DNAH14: variants seen among roughly 807,000 people sequenced by gnomAD.
DNAH14 encodes the protein dynein axonemal heavy chain 14.
In DNAH14, 478 loss-of-function variants were observed where a neutral mutation model predicts 520.9. That is an observed-to-expected ratio of 0.92 (90% CI 0.85 to 0.99). DNAH14 has a LOEUF of 0.99. Among genes scored for constraint, DNAH14 ranks in the 50% least tolerant of loss-of-function variants. The pLI, the probability that DNAH14 is intolerant of heterozygous loss-of-function variation, is 0.00. For synonymous variants in DNAH14, 1,581 were observed against 1,757.2 expected, an observed-to-expected ratio of 0.90 and a Z score of 2.51; for missense variants, 4,831 against 5,234.5, an observed-to-expected ratio of 0.92 and a Z score of 2.38.
chr1:224,943,326 G>A (rs1390359319), intron 1 of DNAH14, among the ~76,000 whole-genome samples: 1 of 152,012 alleles, frequency 6.6e-6, no homozygotes, highest in Non-Finnish European at 1.5e-5. Context: ...TATTTCTGTG[G>A]GATCGGTGGT....
rs2095103813 is a variant in DNAH14, at chr1:225,338,287, A to G, written c.10433+105A>G. 2.2e-6 allele frequency: 3 copies of G among 1,334,854 alleles called. No individual in the cohort carries two copies. In the East Asian group the frequency reaches 7.5e-5, roughly 33 times the overall value. The allele number at this position is 1,334,854 out of a possible 1,614,324, so 82.7% of individuals were successfully genotyped here. ...TGTCAAGCTTCTACATGGAGGAAAA[A>G]GTAAGATTGTCTTTGGAATATTCTT... On this transcript the variant is annotated intron_variant, in intron 68 of 85. Coordinates refer to ENST00000682510, the MANE Select transcript of DNAH14 (RefSeq NM_001367479.1).
intron 23 of DNAH14, among the ~76,000 whole-genome samples, chr1:225,108,338 C>T (rs1396419556): frequency 1.3e-5 from 2 of 152,144 alleles, no homozygotes; most frequent in Non-Finnish European, 2.9e-5. Flanking sequence ...GGCTTCCTTG[C>T]TCCTCAGCTT....
At chr1:225,139,816 C>T (rs377280657) in intron 27 of DNAH14, among the ~76,000 whole-genome samples, 11 of 152,188 alleles carry the variant, frequency 7.2e-5, no homozygotes, top group African/African-American at 2.7e-4. Context: ...TCTGACCAGA[C>T]TCTGCCGTGA....
chr1:224,989,159 C>T (rs908633336), intron 8 of DNAH14, among the ~76,000 whole-genome samples: 8 of 152,156 alleles, frequency 5.3e-5, no homozygotes, highest in African/African-American at 1.9e-4. Flanking sequence ...ATCTGTTTTA[C>T]TCAGTTTACC....
chr1:225,144,993 G>C (rs1344032272), intron 29 of DNAH14, among the ~76,000 whole-genome samples: 2 of 150,506 alleles, frequency 1.3e-5, no homozygotes, highest in Non-Finnish European at 1.5e-5. Flanking sequence ...GAAAGAGACA[G>C]AGAGAGAGAA....
At chr1:225,223,350 A>G (rs915691357) in intron 41 of DNAH14, among the ~76,000 whole-genome samples, 1 of 152,182 alleles carries the variant, frequency 6.6e-6, no homozygotes, top group African/African-American at 2.4e-5. Context: ...ACCTCTTTCT[A>G]GTAATGGCCA....
At chr1:224,948,024 A>G (rs1469163270) in intron 1 of DNAH14, among the ~76,000 whole-genome samples, 3 of 152,014 alleles carry the variant, frequency 2.0e-5, no homozygotes, top group Non-Finnish European at 2.9e-5. Flanking sequence ...TTTATATAAT[A>G]TATATGTTAA....
At chr1:225,114,963 T>C (rs946071598) in intron 23 of DNAH14, among the ~76,000 whole-genome samples, 4 of 152,230 alleles carry the variant, frequency 2.6e-5, no homozygotes, top group Non-Finnish European at 5.9e-5. Flanking sequence ...TGTATGAAGA[T>C]GCTTTTTTCA....
chr1:225,023,628 A>G lies in DNAH14; in HGVS notation c.1121A>G (p.Asn374Ser). 2 of 1,521,856 alleles carry G rather than the reference A, an allele frequency of 1.3e-6. No homozygotes were observed. Among genetic ancestry groups the G allele is most frequent in the Non-Finnish European group, 1.8e-6 (2 of 1,129,914 alleles). 94.3% of individuals were successfully genotyped at this position (1,521,856 alleles called of 1,614,324 possible). A position where few individuals can be genotyped will look rare whatever the true frequency, so the allele number is the denominator to read the frequency against. The stretch of plus-strand genomic sequence containing the variant: ...TTTAAATTGTAGGTTGCAGAAAAGA[A>G]TGAAATCAAAGAGTATTTTGAGTCA... ...KSTFLKVAEK[N>S]EIKEYFESKL... The change falls in exon 11 of 86, where the codon AAT becomes AGT. Residue 374 changes from asparagine to serine, a missense_variant. Physicochemically the swap from Asn to Ser is conservative, Grantham distance 46. Coordinates refer to ENST00000682510, the MANE Select transcript of DNAH14 (RefSeq NM_001367479.1).
chr1:225,110,519 A>C (rs1457556570), intron 23 of DNAH14, among the ~76,000 whole-genome samples: 1 of 150,452 alleles, frequency 6.6e-6, no homozygotes, highest in African/African-American at 2.4e-5. Flanking sequence ...ACTGGTTGTC[A>C]TGTCTCCTTT....
intron 41 of DNAH14, among the ~76,000 whole-genome samples, chr1:225,224,417 A>G (rs2090343150): frequency 2.0e-5 from 3 of 152,048 alleles, no homozygotes; most frequent in South Asian, 4.1e-4. Context: ...CTCACATACC[A>G]GGACTAAAAC....
chr1:225,255,593 C>G (rs2092704480), intron 44 of DNAH14, among the ~76,000 whole-genome samples: 1 of 152,178 alleles, frequency 6.6e-6, no homozygotes, highest in South Asian at 2.1e-4. Context: ...TTAAGGGAAT[C>G]CCTGAGTAGT....
In DNAH14 at chr1:225,082,578, C is replaced by G. The variant is rs1331062067; in HGVS notation, c.3166C>G (p.Leu1056Val). The G allele has an allele frequency of 1.3e-6, 2 of 1,551,190 alleles. No homozygotes were observed. Among genetic ancestry groups the G allele is most frequent in the Non-Finnish European group, 1.7e-6 (2 of 1,146,836 alleles). ...GLPKSDMVTHLKQVVTEFKQE... is the reference protein window; with the variant it reads ...GLPKSDMVTHVKQVVTEFKQE... ...ACCTAAAAGCGATATGGTAACACAT[C>G]TTAAGCAAGTGGTAACAGAGTTTAA... Residue 1056 changes from leucine to valine, a missense_variant, in exon 20 of 86, where the codon CTT becomes GTT. Leu to Val is a conservative substitution (Grantham distance 32). Coordinates refer to ENST00000682510, the MANE Select transcript of DNAH14 (RefSeq NM_001367479.1).
intron 23 of DNAH14, among the ~76,000 whole-genome samples, chr1:225,107,345 G>T (rs2076146190): frequency 6.6e-6 from 1 of 152,168 alleles, no homozygotes; most frequent in Non-Finnish European, 1.5e-5. Flanking sequence ...GAGGCAGTCT[G>T]TCCATTCTCA....
intron 1 of DNAH14, among the ~76,000 whole-genome samples, chr1:224,933,739 T>C (rs1323605750): frequency 6.6e-6 from 1 of 152,128 alleles, no homozygotes; most frequent in Non-Finnish European, 1.5e-5. Context: ...TTGATTTGCA[T>C]ATATTGAACC....
intron 10 of DNAH14, among the ~76,000 whole-genome samples, chr1:225,013,409 C>T (rs1454647968): frequency 3.9e-5 from 6 of 152,198 alleles, no homozygotes; most frequent in Non-Finnish European, 5.9e-5. Flanking sequence ...TCGACCTCTA[C>T]TGGGAGGTGT....
chr1:225,032,443 G>C (rs2066600529), intron 11 of DNAH14, among the ~76,000 whole-genome samples: 1 of 152,020 alleles, frequency 6.6e-6, no homozygotes, highest in South Asian at 2.1e-4. Context: ...CGTATTCCAT[G>C]GTGTATATGT....
At chr1:225,238,100 T>C (rs1421345550) in intron 42 of DNAH14, among the ~76,000 whole-genome samples, 1 of 152,244 alleles carries the variant, frequency 6.6e-6, no homozygotes, top group African/African-American at 2.4e-5. Flanking sequence ...ACCCACATTC[T>C]GAAGCTTACT....
At chr1:225,377,163 T>A in intron 78 of DNAH14, 74 bp from the exon 79 acceptor site, 1 of 1,248,828 alleles carries the variant, frequency 8.0e-7, no homozygotes, top group Non-Finnish European at 1.1e-6. Context: ...GGTATCTTAC[T>A]CTGGCAAAAA....
Sources: gnomAD v4.1 joint callset for allele counts (sites outside exome capture counted in the v4.1 genomes callset) on GRCh38, gnomAD v4.1.1 for gene constraint, MANE v1.5 for transcripts, NCBI Gene and HGNC (gene_info 2026-07-23, HGNC 2026-07-21) for gene names.